Variants in GNB4 observed in about 807,000 individuals in gnomAD.
GNB4 encodes guanine nucleotide-binding protein subunit beta-4.
GNB4 carries 28 observed loss-of-function variants against 45.2 expected under a neutral mutation model. That is an observed-to-expected ratio of 0.62 (90% CI 0.46 to 0.85). The LOEUF (loss-of-function observed/expected upper bound fraction) is 0.85, where lower values mean the gene tolerates loss of function less well. Ranked by LOEUF, GNB4 falls within the 40% of genes least tolerant of loss-of-function variation. The probability of loss-of-function intolerance (pLI) is 0.00; values close to 1 mark genes in which losing one functional copy is unlikely to be tolerated. For synonymous variants in GNB4, 132 were observed against 143.7 expected, an observed-to-expected ratio of 0.92 and a Z score of 0.58; for missense variants, 321 against 425.4, an observed-to-expected ratio of 0.75 and a Z score of 2.16.
At chr3:179,441,025 A>G (rs1715581387) in intron 1 of GNB4, among the ~76,000 whole-genome samples, 2 of 152,236 alleles carry the variant, frequency 1.3e-5, no homozygotes, top group African/African-American at 2.4e-5. Context: ...CTAAAAGTAC[A>G]TAAGAAATGA....
rs533278693 is a variant in GNB4, at chr3:179,441,160, T to C, written c.-43+10186A>G. Reference sequence around the variant, plus strand: ...CCACCCCATCAGAAACATTCATCCATTGGAAAAACAGGTAAGTAACTATAC... The same window carrying C: ...CCACCCCATCAGAAACATTCATCCACTGGAAAAACAGGTAAGTAACTATAC... On this transcript the variant is annotated intron_variant, in intron 1 of 9. Coordinates refer to ENST00000232564, the MANE Select transcript of GNB4 (RefSeq NM_021629.4). 3.9e-4 allele frequency among the ~76,000 whole-genome samples: 60 copies of C among 152,292 alleles called. 2 individuals carry two copies. The South Asian group carries it at 0.012, about 31-fold the overall frequency.
chr3:179,437,316 G>A (rs964509444), intron 1 of GNB4, among the ~76,000 whole-genome samples: 7 of 152,168 alleles, frequency 4.6e-5, no homozygotes, highest in Non-Finnish European at 1.0e-4. Flanking sequence ...TATAACCCCA[G>A]CACTTTGGGA....
chr3:179,445,690 C>T (rs957627753), intron 1 of GNB4, among the ~76,000 whole-genome samples: 1 of 152,218 alleles, frequency 6.6e-6, no homozygotes, highest in African/African-American at 2.4e-5. Flanking sequence ...AGTTATGATG[C>T]ATTCATACAG....
Position 179,396,135 on chromosome 3 carries a change from C to T in GNB4, c.*5078G>A, listed in dbSNP as rs765437341. The T allele has an allele frequency of 2.6e-5, 4 of 151,932 alleles. No homozygotes were observed. Among genetic ancestry groups the T allele is most frequent in the Non-Finnish European group, 5.9e-5 (4 of 67,974 alleles). 9.4% of individuals were successfully genotyped at this position (151,932 alleles called of 1,614,324 possible). ...ATTACAGTATCAATTCACAACATTT[C>T]ATAAAGCCACTGTACAAATAGAGGA... On this transcript the variant is annotated 3_prime_UTR_variant, in exon 10 of 10. Transcript: ENST00000232564.
intron 1 of GNB4, among the ~76,000 whole-genome samples, chr3:179,448,530 G>A (rs1402275709): frequency 6.8e-6 from 1 of 147,788 alleles, no homozygotes; most frequent in African/African-American, 2.5e-5. Flanking sequence ...ACGGTTTGTT[G>A]TTGCTGTTTG....
chr3:179,448,100 G>A (rs781219192), intron 1 of GNB4, among the ~76,000 whole-genome samples: 9 of 152,178 alleles, frequency 5.9e-5, no homozygotes, highest in Non-Finnish European at 8.8e-5. Context: ...CTCTGAAGCG[G>A]GTTCAGAAGA....
chr3:179,409,808 C>CAAA (rs56675254), intron 8 of GNB4, among the ~76,000 whole-genome samples: 18 of 107,320 alleles, frequency 1.7e-4, no homozygotes, highest in Non-Finnish European at 1.9e-4. Context: ...GACTCTGTCT[C>CAAA]AAAAAAAAAA....
intron 2 of GNB4, among the ~76,000 whole-genome samples, chr3:179,423,011 T>G (rs1715036923): frequency 6.6e-6 from 1 of 152,134 alleles, no homozygotes; most frequent in Admixed American, 6.6e-5. Flanking sequence ...CAGGATGGTT[T>G]CGATCTCCTG....
At chr3:179,527,778 G>T in the GNB4 span, among the ~76,000 whole-genome samples, 1 of 109,038 alleles carries the variant, frequency 9.2e-6, no homozygotes, top group Admixed American at 1.1e-4. Flanking sequence ...TGATAAGTGC[G>T]TGTGTGTATG....
chr3:179,485,000 GTTTTGTTTTTTTT>G, the GNB4 span, among the ~76,000 whole-genome samples: 39,909 of 123,622 alleles, frequency 0.32, 5,446 homozygotes, highest in East Asian at 0.53. Context: ...AACTTTTTTC[GTTTTGTTTTTTTT>G]TTTTTTTTTT....
the GNB4 span, among the ~76,000 whole-genome samples, chr3:179,501,343 G>T: frequency 6.7e-6 from 1 of 148,804 alleles, no homozygotes; most frequent in African/African-American, 2.5e-5. Context: ...CTGTCACCCA[G>T]GCTGGAGTGC....
the GNB4 span, among the ~76,000 whole-genome samples, chr3:179,492,410 C>A: frequency 7.8e-4 from 119 of 151,900 alleles, 1 homozygote; most frequent in Non-Finnish European, 1.3e-3. Flanking sequence ...ACCCTAGTGC[C>A]AGTGCCAGAC....
the GNB4 span, among the ~76,000 whole-genome samples, chr3:179,517,498 C>T: frequency 9.2e-5 from 14 of 152,266 alleles, no homozygotes; most frequent in African/African-American, 2.4e-4. Context: ...TGCCGTGACT[C>T]GGATCGGGGG....
the GNB4 span, among the ~76,000 whole-genome samples, chr3:179,498,219 G>T: frequency 6.6e-6 from 1 of 152,184 alleles, no homozygotes. Context: ...TATGTTACAG[G>T]TTTAGTTCTC....
intron 2 of GNB4, among the ~76,000 whole-genome samples, chr3:179,422,286 T>C (rs1461576973): frequency 6.6e-6 from 1 of 152,166 alleles, no homozygotes; most frequent in Non-Finnish European, 1.5e-5. Context: ...GCAAAGATTC[T>C]ATTTACACTG....
chr3:179,454,512 C>T (rs1351870520), upstream of GNB4, among the ~76,000 whole-genome samples: 2 of 152,152 alleles, frequency 1.3e-5, no homozygotes, highest in Non-Finnish European at 2.9e-5. Context: ...TCACTATGAT[C>T]AAGTTCAGAG....
At position 179,446,932 on chromosome 3, in the gene GNB4, GC is replaced by G. The variant is rs766088782; in HGVS notation, c.-43+4413del. 9.9e-5 allele frequency among the ~76,000 whole-genome samples: 15 copies of G among 152,204 alleles called. 1 individual carries two copies. The highest frequency in any genetic ancestry group is 4.6e-4 in the Admixed American group (7 of 15,276). On this transcript the variant is annotated intron_variant, in intron 1 of 9. Transcript: ENST00000232564. ...CGACCATGTGCCAAACATATTCTAGGCTCTAGAGATTCGGTAGTAAACAAAA... is the reference window on the plus strand; with the variant it reads ...CGACCATGTGCCAAACATATTCTAGGTCTAGAGATTCGGTAGTAAACAAAA...
In GNB4 at chr3:179,420,940, A is replaced by C; in HGVS notation, c.58-13T>G. The C allele has an allele frequency of 6.5e-7, 1 of 1,532,222 alleles. No homozygotes were observed. Among genetic ancestry groups the C allele is most frequent in the Non-Finnish European group, 9.0e-7 (1 of 1,109,704 alleles). 94.9% of individuals were successfully genotyped at this position (1,532,222 alleles called of 1,614,324 possible). On this transcript the variant is annotated splice_polypyrimidine_tract_variant and intron_variant, in intron 2 of 9. Transcript: ENST00000232564. ...CTTTCCGAGCATCCTGAAGTAAAAA[A>C]ATATGATTATAATGCATTTAGCAAC...
At chr3:179,475,470 T>G in the GNB4 span, among the ~76,000 whole-genome samples, 1 of 151,594 alleles carries the variant, frequency 6.6e-6, no homozygotes, top group African/African-American at 2.4e-5. Flanking sequence ...CATTTATTTT[T>G]TATTTGTTTA....
Sources: allele counts gnomAD v4.1 joint callset (sites outside exome capture counted in the v4.1 genomes callset), GRCh38; gene constraint gnomAD v4.1.1; transcripts MANE v1.5; gene names NCBI Gene and HGNC (gene_info 2026-07-23, HGNC 2026-07-21).